Variants in PPP2R2C observed in about 807,000 individuals in gnomAD.
PPP2R2C encodes the protein protein phosphatase 2, regulatory subunit B, gamma.
In PPP2R2C, 10 loss-of-function variants were observed where a neutral mutation model predicts 45.3. That is an observed-to-expected ratio of 0.22 (90% CI 0.14 to 0.37). The LOEUF is 0.37. Among genes scored for constraint, PPP2R2C ranks in the 10% least tolerant of loss-of-function variants. The pLI, the probability that PPP2R2C is intolerant of heterozygous loss-of-function variation, is 1.00. For synonymous variants in PPP2R2C, 257 were observed against 245.4 expected (o/e 1.05, Z -0.44); for missense variants, 308 against 619.7 (o/e 0.50, Z 5.34).
intron 1 of PPP2R2C, among the ~76,000 whole-genome samples, chr4:6,458,631 C>G (rs1253592070): frequency 6.6e-6 from 1 of 152,206 alleles, no homozygotes; most frequent in East Asian, 1.9e-4. Context: ...GGCAGCACAA[C>G]TACATGCTTT....
intron 1 of PPP2R2C, among the ~76,000 whole-genome samples, chr4:6,455,916 C>CT (rs397714814): frequency 6.0e-3 from 1 of 168 alleles, no homozygotes; most frequent in African/African-American, 7.1e-3. Flanking sequence ...CAGGCTGCAA[C>CT]GGGCCCACTG....
chr4:6,325,795 C>G (rs563757060), intron 8 of PPP2R2C, among the ~76,000 whole-genome samples: 96 of 152,326 alleles, frequency 6.3e-4, no homozygotes, highest in African/African-American at 2.2e-3. Context: ...AGGGGAGCTG[C>G]TTCACCTCTC....
intron 1 of PPP2R2C, among the ~76,000 whole-genome samples, chr4:6,442,492 G>A (rs1311280186): frequency 2.0e-5 from 3 of 152,354 alleles, no homozygotes; most frequent in Non-Finnish European, 4.4e-5. Context: ...ATTCAGTCCA[G>A]TTTAGTTTGA....
chr4:6,391,396 A>G (rs1716630111), intron 1 of PPP2R2C, among the ~76,000 whole-genome samples: 1 of 152,148 alleles, frequency 6.6e-6, no homozygotes, highest in Admixed American at 6.5e-5. Context: ...ACTCGCCCTT[A>G]TTGCCACATT....
At chr4:6,440,004 C>T (rs111683733) in intron 1 of PPP2R2C, among the ~76,000 whole-genome samples, 1 of 152,180 alleles carries the variant, frequency 6.6e-6, no homozygotes, top group Non-Finnish European at 1.5e-5. Flanking sequence ...GAACAGCTCC[C>T]CTGGGGAGCT....
At chr4:6,346,151 C>T (rs956007279) in intron 6 of PPP2R2C, among the ~76,000 whole-genome samples, 27 of 152,284 alleles carry the variant, frequency 1.8e-4, no homozygotes, top group African/African-American at 6.5e-4. Flanking sequence ...GTGGGGTCAC[C>T]ATTTCTTCCT....
chr4:6,399,997 A>G (rs2109347813), intron 1 of PPP2R2C, among the ~76,000 whole-genome samples: 1 of 152,304 alleles, frequency 6.6e-6, no homozygotes, highest in South Asian at 2.1e-4. Context: ...AGCTTTAATG[A>G]TCCTGAGTCA....
At chr4:6,558,441 G>C (rs1725482587) in intron 1 of PPP2R2C, among the ~76,000 whole-genome samples, 1 of 152,142 alleles carries the variant, frequency 6.6e-6, no homozygotes, top group Non-Finnish European at 1.5e-5. Context: ...CTCCTCCTGG[G>C]ACCTGCAGGT....
At chr4:6,382,604 A>C in intron 1 of PPP2R2C, 6 of 1,084,910 alleles carry the variant, frequency 5.5e-6, no homozygotes, top group Non-Finnish European at 6.1e-6. Context: ...GCTCAGGCCC[A>C]AGCCTTGGAG....
intron 1 of PPP2R2C, among the ~76,000 whole-genome samples, chr4:6,546,972 A>G (rs1041229629): frequency 6.6e-6 from 1 of 152,226 alleles, no homozygotes; most frequent in Admixed American, 6.5e-5. Context: ...ACGGCCCCCA[A>G]GCACAGGTAG....
intron 1 of PPP2R2C, among the ~76,000 whole-genome samples, chr4:6,545,633 C>T (rs1724954384): frequency 6.6e-6 from 1 of 152,224 alleles, no homozygotes; most frequent in South Asian, 2.1e-4. Flanking sequence ...CCAGTGGCTG[C>T]ACCTCTCTGA....
chr4:6,369,140 G>A (rs1485522133), intron 5 of PPP2R2C, among the ~76,000 whole-genome samples: 1 of 152,224 alleles, frequency 6.6e-6, no homozygotes, highest in Non-Finnish European at 1.5e-5. Flanking sequence ...TTGTTCAGTA[G>A]CCACTGGCCA....
chr4:6,324,925 A>G lies in PPP2R2C; in HGVS notation c.1053-1332T>C, dbSNP rs1267925195. Among the ~76,000 whole-genome samples the G allele has an allele frequency of 6.6e-6, 1 of 152,230 alleles. No individual in the cohort carries two copies. ...GAAGAGGATGTTACGAAAAGCGACC[A>G]TAAAGAAGTTGTCCTGCTGAAGGCT... On this transcript the variant is annotated intron_variant, in intron 8 of 8. Coordinates refer to ENST00000382599, the MANE Select transcript of PPP2R2C (RefSeq NM_020416.4). The surrounding 1 kb of genome is among the most constrained non-coding windows in gnomAD (Gnocchi z 4.1).
At chr4:6,417,780 G>C (rs922254534) in intron 1 of PPP2R2C, among the ~76,000 whole-genome samples, 1 of 152,216 alleles carries the variant, frequency 6.6e-6, no homozygotes, top group Non-Finnish European at 1.5e-5. Flanking sequence ...TGGGGGGCAT[G>C]GTCACTCAGA....
At chr4:6,426,837 C>G (rs183587156) in intron 1 of PPP2R2C, among the ~76,000 whole-genome samples, 1 of 152,322 alleles carries the variant, frequency 6.6e-6, no homozygotes, top group Non-Finnish European at 1.5e-5. Flanking sequence ...TGGGCCAGGC[C>G]AAACACTGGC....
intron 1 of PPP2R2C, chr4:6,382,752 A>C (rs1297965661): frequency 1.6e-6 from 1 of 616,906 alleles, no homozygotes; most frequent in African/African-American, 2.0e-5. Context: ...CCTTCACAGC[A>C]TATCGGGATG....
chr4:6,387,622 C>T (rs1338196941), intron 1 of PPP2R2C, among the ~76,000 whole-genome samples: 1 of 152,018 alleles, frequency 6.6e-6, no homozygotes, highest in African/African-American at 2.4e-5. Flanking sequence ...ACCAGCCTAG[C>T]CAACATGATG....
At chr4:6,340,582 T>TG (rs1456531203) in intron 6 of PPP2R2C, among the ~76,000 whole-genome samples, 5 of 142,782 alleles carry the variant, frequency 3.5e-5, no homozygotes, top group South Asian at 2.6e-4. Context: ...CCACCTGCCA[T>TG]GGGGGGCAGG....
intron 5 of PPP2R2C, among the ~76,000 whole-genome samples, chr4:6,363,084 G>A (rs1350832678): frequency 1.3e-5 from 2 of 152,140 alleles, no homozygotes; most frequent in African/African-American, 4.8e-5. Flanking sequence ...TGCTGACCTC[G>A]ACGCAATGGC....
Sources: gnomAD v4.1 joint callset for allele counts (sites outside exome capture counted in the v4.1 genomes callset) on GRCh38, gnomAD v4.1.1 for gene constraint, Gnocchi (gnomAD v3.1) non-coding constraint, MANE v1.5 for transcripts, NCBI Gene and HGNC (gene_info 2026-07-23, HGNC 2026-07-21) for gene names.